Variants in CENPC observed in about 807,000 individuals in gnomAD.
CENPC encodes the protein CENP-C 1.
In CENPC, 63 loss-of-function variants were observed where a neutral mutation model predicts 112.1. That is an observed-to-expected ratio of 0.56 (90% CI 0.46 to 0.69). The LOEUF is 0.69. CENPC is among the 30% of genes least tolerant of loss of function. The pLI is 0.00. For missense variants in CENPC, 1,000 were observed against 1,103.8 expected (o/e 0.91, Z 1.33); for synonymous variants, 333 against 367.6 (o/e 0.91, Z 1.08).
intron 12 of CENPC, among the ~76,000 whole-genome samples, chr4:67,496,913 A>G (rs943604789): frequency 1.6e-5 from 2 of 121,830 alleles, no homozygotes; most frequent in Non-Finnish European, 3.2e-5. Flanking sequence ...CCAAAAATTC[A>G]ATTTCCTATG....
Position 67,499,168 on chromosome 4 carries a change from T to C in CENPC, c.2132-3956A>G, listed in dbSNP as rs191752200. 2.4e-3 allele frequency among the ~76,000 whole-genome samples: 366 copies of C among 152,314 alleles called. 2 individuals carry two copies. Among genetic ancestry groups the C allele is most frequent in the African/African-American group, 8.3e-3 (345 of 41,574 alleles). The stretch of plus-strand genomic sequence containing the variant: ...GATTTAGCATAATTCTTAAGGACTC[T>C]AGGATTTCTGGAATGGTAAATGAGC... On this transcript the variant is annotated intron_variant, in intron 12 of 18. Coordinates refer to ENST00000273853, the MANE Select transcript of CENPC (RefSeq NM_001812.4).
chr4:67,519,004 T>C (rs560197567), intron 6 of CENPC, among the ~76,000 whole-genome samples: 1 of 152,328 alleles, frequency 6.6e-6, no homozygotes, highest in Non-Finnish European at 1.5e-5. Flanking sequence ...TTCCAGACTA[T>C]AGAAAAGTTA....
chr4:67,518,648 T>C (rs1472713603), intron 6 of CENPC, among the ~76,000 whole-genome samples: 1 of 152,162 alleles, frequency 6.6e-6, no homozygotes, highest in Non-Finnish European at 1.5e-5. Flanking sequence ...CTCAGGGCAA[T>C]CTTAGAGCAC....
intron 4 of CENPC, among the ~76,000 whole-genome samples, chr4:67,535,430 G>A (rs1455459462): frequency 5.3e-5 from 8 of 151,388 alleles, no homozygotes; most frequent in African/African-American, 1.5e-4. Flanking sequence ...AGGTCTAAGG[G>A]TAGATTGAAG....
chr4:67,534,123 G>C (rs151126011), intron 4 of CENPC, among the ~76,000 whole-genome samples: 164 of 151,126 alleles, frequency 1.1e-3, no homozygotes, highest in African/African-American at 3.8e-3. Context: ...TGTATAGCAA[G>C]TAGTTAAACT....
intron 12 of CENPC, among the ~76,000 whole-genome samples, chr4:67,499,772 A>C (rs925558334): frequency 2.6e-5 from 4 of 152,254 alleles, no homozygotes; most frequent in African/African-American, 9.6e-5. Context: ...TAGCTTCTGG[A>C]CTATCTCGGT....
rs1726960007 is a variant in CENPC at position 67,544,059 on chromosome 4, G to C, written c.65+90C>G. 6 of 716,284 alleles carry C rather than the reference G, an allele frequency of 8.4e-6. No individual in the cohort carries two copies. In the South Asian group the frequency reaches 9.3e-5, roughly 11 times the overall value. 44.4% of individuals were successfully genotyped at this position (716,284 alleles called of 1,614,324 possible). On this transcript the variant is annotated intron_variant, in intron 2 of 18. Coordinates refer to ENST00000273853, the MANE Select transcript of CENPC (RefSeq NM_001812.4). ...AGTGGGCACAGAAATCATTATATTA[G>C]TCAGAGGTGATAGTTTTTCCTTTCT...
At chr4:67,545,209 T>C in intron 1 of CENPC, 129 bp downstream of exon 1, 1 of 887,780 alleles carries the variant, frequency 1.1e-6, no homozygotes. Context: ...CAAAAATTCC[T>C]GCGGCTTTCC....
chr4:67,516,775 CTA>C (rs1726069768), intron 7 of CENPC, among the ~76,000 whole-genome samples: 1 of 151,912 alleles, frequency 6.6e-6, no homozygotes, highest in Non-Finnish European at 1.5e-5. Context: ...GCTACAAAAA[CTA>C]TGAAACGCTT....
In CENPC at chr4:67,494,260, G is replaced by C. The variant is rs926976145; in HGVS notation, c.2186-272C>G. Among the ~76,000 whole-genome samples the C allele has an allele frequency of 2.6e-5, 4 of 152,168 alleles. No homozygotes were observed. The South Asian group carries it at 8.3e-4, about 32-fold the overall frequency. On this transcript the variant is annotated intron_variant, in intron 13 of 18. Transcript: ENST00000273853. ...ACTCATCTTATCTGAACAATGCAAA[G>C]TTCTGTATACTAAATTGAGTTTGTT... is the stretch of plus-strand genomic sequence containing the variant.
In CENPC at chr4:67,492,298, A is replaced by T. The variant is rs1725306559; in HGVS notation, c.2420-23T>A. On this transcript the variant is annotated intron_variant, in intron 15 of 18. Coordinates refer to ENST00000273853, the MANE Select transcript of CENPC (RefSeq NM_001812.4). ...TCTCTGCAAAAGAAATACCATTGAA[A>T]TACAAACTACTTACTTAAAATTATT... 5.6e-6 allele frequency: 8 copies of T among 1,417,524 alleles called. 1 individual carries two copies. The Middle Eastern group carries it at 1.0e-3, about 186-fold the overall frequency. 87.8% of individuals were successfully genotyped at this position (1,417,524 alleles called of 1,614,324 possible).
chr4:67,480,983 C>A (rs1442500640), intron 17 of CENPC, among the ~76,000 whole-genome samples: 2 of 152,098 alleles, frequency 1.3e-5, no homozygotes, highest in Non-Finnish European at 2.9e-5. Context: ...GGTATCCAAA[C>A]TAGAAAAGAG....
intron 16 of CENPC, 56 bp from the exon 17 acceptor site, chr4:67,490,177 T>C: frequency 3.2e-6 from 4 of 1,230,926 alleles, no homozygotes; most frequent in South Asian, 1.5e-5. Flanking sequence ...GTTAATGATA[T>C]AACATATACA....
chr4:67,539,022 C>T (rs1006901208), intron 4 of CENPC, among the ~76,000 whole-genome samples: 1 of 152,140 alleles, frequency 6.6e-6, no homozygotes. Flanking sequence ...GATACCAAAG[C>T]CCTGTAAGAA....
At chr4:67,475,051 G>A in intron 17 of CENPC, 73 bp from the exon 18 acceptor site, 1 of 789,354 alleles carries the variant, frequency 1.3e-6, no homozygotes, top group Non-Finnish European at 2.0e-6. Flanking sequence ...TTAAAATGTA[G>A]TGGGAAGAAT....
At chr4:67,519,556 C>G (rs1726163579) in intron 5 of CENPC, 54 bp from the exon 6 acceptor site, 1 of 1,185,564 alleles carries the variant, frequency 8.4e-7, no homozygotes, top group Non-Finnish European at 1.1e-6. Flanking sequence ...ATAAGAGAAT[C>G]AAGCAGGCTT....
At chr4:67,531,209 T>C (rs949402469) in intron 4 of CENPC, among the ~76,000 whole-genome samples, 2 of 152,010 alleles carry the variant, frequency 1.3e-5, no homozygotes, top group African/African-American at 4.8e-5. Flanking sequence ...TAAATTATAG[T>C]ATAGATATAC....
intron 10 of CENPC, 90 bp from the exon 11 acceptor site, chr4:67,507,024 G>A (rs1182914616): frequency 3.5e-6 from 3 of 861,784 alleles, no homozygotes; most frequent in Admixed American, 5.9e-5. Flanking sequence ...CAAAGACAAT[G>A]TAATATTGGC....
At chr4:67,507,514 C>A (rs1263606532) in intron 10 of CENPC, among the ~76,000 whole-genome samples, 2 of 152,092 alleles carry the variant, frequency 1.3e-5, no homozygotes, top group Non-Finnish European at 2.9e-5. Context: ...AATTAAATAA[C>A]CTAGATGAAA....
Sources: gnomAD v4.1 joint callset for allele counts (sites outside exome capture counted in the v4.1 genomes callset) on GRCh38, gnomAD v4.1.1 for gene constraint, MANE v1.5 for transcripts, NCBI Gene and HGNC (gene_info 2026-07-23, HGNC 2026-07-21) for gene names.